Variants in PTPRT observed in about 807,000 individuals in gnomAD.
The protein encoded by PTPRT is receptor-type tyrosine-protein phosphatase T.
A neutral mutation model predicts 176.8 loss-of-function variants in PTPRT; 56 were observed. That is an observed-to-expected ratio of 0.32 (90% CI 0.26 to 0.40). The LOEUF is 0.40. Ranked by LOEUF, PTPRT falls within the 10% of genes least tolerant of loss-of-function variation. PTPRT has a pLI of 1.00. For synonymous variants in PTPRT, 783 were observed against 739.0 expected (o/e 1.06, Z -0.96); for missense variants, 1,540 against 1,908.2 (o/e 0.81, Z 3.60).
Position 42,932,648 on chromosome 20 carries a change from T to G in PTPRT, c.89-46716A>C, listed in dbSNP as rs184883463. 1.8e-4 allele frequency among the ~76,000 whole-genome samples: 28 copies of G among 152,218 alleles called. No individual in the cohort carries two copies. In the East Asian group the frequency reaches 3.5e-3, roughly 19 times the overall value. Reference sequence around the variant, plus strand: ...CCAAGAACTTTCCCAGTTTCTGCACTGGAAGCCCTGAATCCTGGCAAACCA... The same window carrying G: ...CCAAGAACTTTCCCAGTTTCTGCACGGGAAGCCCTGAATCCTGGCAAACCA... On this transcript the variant is annotated intron_variant, in intron 1 of 30. Transcript: ENST00000373187.
intron 9 of PTPRT, among the ~76,000 whole-genome samples, chr20:42,444,431 G>A (rs967412230): frequency 2.6e-5 from 4 of 152,188 alleles, no homozygotes; most frequent in African/African-American, 4.8e-5. Context: ...ACTGAAGACT[G>A]GAGACAGAAT....
chr20:42,246,085 G>A (rs972585395), intron 14 of PTPRT, among the ~76,000 whole-genome samples: 2 of 152,134 alleles, frequency 1.3e-5, no homozygotes, highest in African/African-American at 4.8e-5. Flanking sequence ...TGAGGTAGAT[G>A]TAGACAGTAT....
At chr20:42,496,871 T>C (rs557208551) in intron 7 of PTPRT, among the ~76,000 whole-genome samples, 2 of 152,238 alleles carry the variant, frequency 1.3e-5, no homozygotes, top group South Asian at 4.1e-4. Context: ...ATGCATTCCA[T>C]AGAATACAAT....
At chr20:42,220,608 G>A (rs535536363) in intron 15 of PTPRT, among the ~76,000 whole-genome samples, 14 of 151,962 alleles carry the variant, frequency 9.2e-5, no homozygotes, top group African/African-American at 2.9e-4. Flanking sequence ...CCTCTAAACC[G>A]CACATGTCCA....
intron 1 of PTPRT, among the ~76,000 whole-genome samples, chr20:43,162,747 G>T (rs927659921): frequency 2.4e-5 from 3 of 126,904 alleles, no homozygotes; most frequent in Non-Finnish European, 3.7e-5. Context: ...CACACCAAAG[G>T]GTTTGGCTTT....
At chr20:42,109,805 A>G (rs962698680) in intron 23 of PTPRT, among the ~76,000 whole-genome samples, 1 of 152,224 alleles carries the variant, frequency 6.6e-6, no homozygotes, top group African/African-American at 2.4e-5. Context: ...AGATGCTGCC[A>G]GTGTTCAGCC....
intron 1 of PTPRT, among the ~76,000 whole-genome samples, chr20:43,078,707 G>A (rs757271764): frequency 3.3e-5 from 5 of 152,172 alleles, no homozygotes; most frequent in Non-Finnish European, 7.3e-5. Flanking sequence ...TACACTGTCA[G>A]CAGGCTGCCC....
At chr20:42,975,953 G>A (rs1157296519) in intron 1 of PTPRT, among the ~76,000 whole-genome samples, 2 of 151,144 alleles carry the variant, frequency 1.3e-5, no homozygotes, top group East Asian at 3.9e-4. Flanking sequence ...GAACATCTTA[G>A]ATAGGGTCAT....
intron 2 of PTPRT, among the ~76,000 whole-genome samples, chr20:42,821,105 C>G (rs1397584399): frequency 6.6e-6 from 1 of 151,960 alleles, no homozygotes; most frequent in African/African-American, 2.4e-5. Flanking sequence ...GAAGACACAA[C>G]AAAAAAGGAA....
At chr20:43,006,759 G>A (rs1419209457) in intron 1 of PTPRT, among the ~76,000 whole-genome samples, 2 of 152,150 alleles carry the variant, frequency 1.3e-5, no homozygotes, top group East Asian at 1.9e-4. Flanking sequence ...CCGACCCTCC[G>A]CTGCTCAGCA....
chr20:42,309,915 T>C (rs542201485), intron 12 of PTPRT, among the ~76,000 whole-genome samples: 8 of 152,176 alleles, frequency 5.3e-5, no homozygotes, highest in Admixed American at 6.5e-5. Flanking sequence ...CATATATATC[T>C]AGTGTAATAT....
chr20:43,102,004 T>C (rs2012407515), intron 1 of PTPRT, among the ~76,000 whole-genome samples: 1 of 152,188 alleles, frequency 6.6e-6, no homozygotes, highest in African/African-American at 2.4e-5. Context: ...TCATCATAGA[T>C]GGCACCATCT....
At chr20:42,345,137 C>T (rs1414636813) in intron 11 of PTPRT, among the ~76,000 whole-genome samples, 1 of 152,006 alleles carries the variant, frequency 6.6e-6, no homozygotes, top group Non-Finnish European at 1.5e-5. Flanking sequence ...CCTTTACCAT[C>T]CAAAATGGCA....
chr20:42,579,372 T>C (rs558743780), intron 7 of PTPRT, among the ~76,000 whole-genome samples: 1 of 152,284 alleles, frequency 6.6e-6, no homozygotes, highest in African/African-American at 2.4e-5. Flanking sequence ...TAAACATGCG[T>C]GTGCATGTGT....
chr20:42,562,130 G>A (rs2072962197), intron 7 of PTPRT, among the ~76,000 whole-genome samples: 1 of 152,134 alleles, frequency 6.6e-6, no homozygotes. Flanking sequence ...GCTGTAATTT[G>A]CATTCAGTAA....
At chr20:42,207,084 A>G (rs201902721) in intron 15 of PTPRT, among the ~76,000 whole-genome samples, 39 of 152,116 alleles carry the variant, frequency 2.6e-4, no homozygotes, top group Middle Eastern at 3.4e-3. Context: ...TGAGGGTCCT[A>G]TCTGTTAGAA....
At chr20:42,660,610 C>G (rs1038394470) in intron 7 of PTPRT, among the ~76,000 whole-genome samples, 7 of 152,136 alleles carry the variant, frequency 4.6e-5, no homozygotes, top group African/African-American at 1.4e-4. Context: ...GATTTTCCAA[C>G]TTTTCTCCAG....
rs529637791 is a variant in PTPRT at position 42,573,172 on chromosome 20, A to C, written c.1154-100610T>G. ...GAGGTACAGTGAGCAGGGTGCCCAC[A>C]GGAAGATGGAAGTAAGAGAAACAAG... On this transcript the variant is annotated intron_variant, in intron 7 of 30. Transcript: ENST00000373187. Among the ~76,000 whole-genome samples the C allele has an allele frequency of 2.2e-4, 34 of 152,294 alleles. No individual in the cohort carries two copies. In the South Asian group the frequency reaches 6.8e-3, roughly 31 times the overall value.
intron 21 of PTPRT, among the ~76,000 whole-genome samples, chr20:42,117,093 C>G (rs886568983): frequency 1.3e-5 from 2 of 151,980 alleles, no homozygotes; most frequent in East Asian, 3.9e-4. Flanking sequence ...GGTACTCTAC[C>G]CCTTTAGGTC....
Sources: gnomAD v4.1 joint callset for allele counts (sites outside exome capture counted in the v4.1 genomes callset) on GRCh38, gnomAD v4.1.1 for gene constraint, MANE v1.5 for transcripts, NCBI Gene and HGNC (gene_info 2026-07-23, HGNC 2026-07-21) for gene names.